Variants in AK8 observed in about 807,000 individuals in gnomAD.
AK8 encodes the protein ATP-AMP transphosphorylase 8.
A neutral mutation model predicts 54.6 loss-of-function variants in AK8; 44 were observed. That is an observed-to-expected ratio of 0.81 (90% CI 0.63 to 1.04). AK8 has a LOEUF of 1.04. AK8 is among the 50% of genes least tolerant of loss of function. AK8 has a pLI of 0.00. For synonymous variants in AK8, 239 were observed against 245.6 expected, an observed-to-expected ratio of 0.97 and a Z score of 0.25; for missense variants, 555 against 613.6, an observed-to-expected ratio of 0.90 and a Z score of 1.01.
chr9:132,767,513 G>A (rs1838774763), intron 11 of AK8, among the ~76,000 whole-genome samples: 2 of 152,188 alleles, frequency 1.3e-5, no homozygotes, highest in Admixed American at 6.5e-5. Flanking sequence ...TAGCGGGGCT[G>A]TAAATTAGTG....
intron 11 of AK8, among the ~76,000 whole-genome samples, chr9:132,746,981 A>ATAT (rs1430940809): frequency 6.6e-6 from 1 of 152,250 alleles, no homozygotes; most frequent in East Asian, 1.9e-4. Flanking sequence ...ACTGCCTTAA[A>ATAT]TATTTTACAG....
At chr9:132,878,786 C>T, upstream of AK8, 1 of 985,408 alleles carries the variant, frequency 1.0e-6, no homozygotes, top group Non-Finnish European at 1.2e-6. This position sits in a 1 kb window ranked among gnomAD's most constrained non-coding sequence, Gnocchi z 4.7. Flanking sequence ...CGGTAGACCC[C>T]TCCCAGCTCC....
intron 11 of AK8, among the ~76,000 whole-genome samples, chr9:132,765,005 T>C (rs540367410): frequency 6.6e-6 from 1 of 152,132 alleles, no homozygotes; most frequent in Non-Finnish European, 1.5e-5. Context: ...AAAAAGATCA[T>C]TCACCAGCTG....
At chr9:132,846,622 C>A (rs1203330078) in intron 5 of AK8, among the ~76,000 whole-genome samples, 1 of 152,222 alleles carries the variant, frequency 6.6e-6, no homozygotes, top group East Asian at 1.9e-4. Context: ...TTGGTCACGA[C>A]TCTAGTGGAG....
At chr9:132,839,825 G>GC (rs891759292) in intron 5 of AK8, among the ~76,000 whole-genome samples, 5 of 147,650 alleles carry the variant, frequency 3.4e-5, no homozygotes, top group African/African-American at 1.0e-4. Flanking sequence ...TTTGCCGGGG[G>GC]GGGGGGCGCA....
intron 10 of AK8, among the ~76,000 whole-genome samples, chr9:132,797,710 G>A (rs1480709647): frequency 1.3e-5 from 2 of 151,978 alleles, no homozygotes; most frequent in African/African-American, 4.8e-5. Flanking sequence ...CTAAAAATGT[G>A]ATTTTTTTTT....
intron 11 of AK8, among the ~76,000 whole-genome samples, chr9:132,771,158 C>G (rs769780274): frequency 1.3e-5 from 2 of 152,214 alleles, no homozygotes; most frequent in Non-Finnish European, 2.9e-5. Context: ...CACTCAGCCT[C>G]TTGGAGCCTC....
At chr9:132,877,977 G>T in intron 1 of AK8, 195 bp downstream of exon 1, 2 of 1,414,478 alleles carry the variant, frequency 1.4e-6, no homozygotes, top group African/African-American at 1.4e-5. Flanking sequence ...AGGCAAACCC[G>T]GGCAGGACCA....
At chr9:132,820,953 A>T (rs1285639026) in intron 9 of AK8, among the ~76,000 whole-genome samples, 1 of 152,168 alleles carries the variant, frequency 6.6e-6, no homozygotes, top group Non-Finnish European at 1.5e-5. Context: ...AACACCTTTG[A>T]GAAATGTGAA....
chr9:132,736,208 C>T (rs1304784031), intron 11 of AK8, among the ~76,000 whole-genome samples: 5 of 128,326 alleles, frequency 3.9e-5, no homozygotes, highest in African/African-American at 6.0e-5. Context: ...TTTTTTGAGA[C>T]GAAGTCTCGC....
intron 10 of AK8, among the ~76,000 whole-genome samples, chr9:132,796,092 C>A (rs1222452472): frequency 6.6e-6 from 1 of 152,106 alleles, no homozygotes; most frequent in African/African-American, 2.4e-5. Flanking sequence ...GAAACTGAAG[C>A]CCAAAGAGGT....
chr9:132,868,764 T>A (rs914090968), intron 2 of AK8, among the ~76,000 whole-genome samples: 2 of 152,144 alleles, frequency 1.3e-5, no homozygotes, highest in Non-Finnish European at 2.9e-5. Context: ...TCCTTGGCCA[T>A]CCCCATCTCG....
Position 132,756,658 on chromosome 9 carries a change from A to G in AK8, c.1122-29124T>C, listed in dbSNP as rs1038439962. Among the ~76,000 whole-genome samples the G allele has an allele frequency of 5.3e-5, 8 of 152,204 alleles. No homozygotes were observed. In the East Asian group the frequency reaches 1.5e-3, roughly 29 times the overall value. ...GCATCTCACTGACCTGATTCTGAGC[A>G]AGCAAGAGGGCGCTGGATTGTCCCA... On this transcript the variant is annotated intron_variant, in intron 11 of 12. Coordinates refer to ENST00000298545, the MANE Select transcript of AK8 (RefSeq NM_152572.3).
intron 11 of AK8, among the ~76,000 whole-genome samples, chr9:132,786,371 T>C (rs144147439): frequency 8.5e-5 from 13 of 152,298 alleles, no homozygotes; most frequent in East Asian, 1.9e-4. Context: ...GTTGAGAGCC[T>C]GAGTCTATGG....
intron 11 of AK8, among the ~76,000 whole-genome samples, 184 bp downstream of exon 11, chr9:132,792,450 T>G (rs1181403837): frequency 6.6e-6 from 1 of 152,216 alleles, no homozygotes; most frequent in Non-Finnish European, 1.5e-5. Flanking sequence ...AAGCCAGGAT[T>G]TGAACCCAAG....
At chr9:132,878,471 C>A, upstream of AK8, 1 of 1,219,288 alleles carries the variant, frequency 8.2e-7, no homozygotes. This position sits in a 1 kb window ranked among gnomAD's most constrained non-coding sequence, Gnocchi z 4.7. Context: ...CTCGCTTTTC[C>A]CATTTGCGCA....
At chr9:132,768,835 C>T (rs1293672779) in intron 11 of AK8, 1 of 152,032 alleles carries the variant, frequency 6.6e-6, no homozygotes, top group East Asian at 1.9e-4. Flanking sequence ...GGAAAGATGT[C>T]CATAATATTT....
intron 3 of AK8, among the ~76,000 whole-genome samples, chr9:132,865,130 C>A (rs986905696): frequency 1.3e-5 from 2 of 152,164 alleles, no homozygotes; most frequent in African/African-American, 4.8e-5. Context: ...GAGTCCCTGG[C>A]TTCTAATTGT....
intron 10 of AK8, among the ~76,000 whole-genome samples, chr9:132,798,705 T>C (rs1375224330): frequency 3.3e-5 from 5 of 152,102 alleles, no homozygotes; most frequent in African/African-American, 9.7e-5. Flanking sequence ...TTTTTTTTTT[T>C]TCTCAAGATC....
Sources: gnomAD v4.1 joint callset for allele counts (sites outside exome capture counted in the v4.1 genomes callset) on GRCh38, gnomAD v4.1.1 for gene constraint, Gnocchi (gnomAD v3.1) non-coding constraint, MANE v1.5 for transcripts, NCBI Gene and HGNC (gene_info 2026-07-23, HGNC 2026-07-21) for gene names.